Variants in UTP20 observed in about 807,000 individuals in gnomAD.
The protein encoded by UTP20 is small subunit processome component 20 homolog.
UTP20 carries 164 observed loss-of-function variants against 329.5 expected under a neutral mutation model. That is an observed-to-expected ratio of 0.50 (90% CI 0.44 to 0.57). UTP20 has a LOEUF of 0.57. UTP20 is among the 20% of genes least tolerant of loss of function. The probability of loss-of-function intolerance (pLI) is 0.00; values close to 1 mark genes in which losing one functional copy is unlikely to be tolerated. For synonymous variants in UTP20, 1,151 were observed against 1,159.3 expected (o/e 0.99, Z 0.14); for missense variants, 3,055 against 3,284.2 (o/e 0.93, Z 1.71).
chr12:101,312,520 C>T (rs1303730770), intron 21 of UTP20, among the ~76,000 whole-genome samples: 1 of 152,226 alleles, frequency 6.6e-6, no homozygotes, highest in African/African-American at 2.4e-5. Context: ...CGGCTCACTG[C>T]AACCTTCACC....
At chr12:101,282,095 GA>G (rs1871818351) in intron 2 of UTP20, among the ~76,000 whole-genome samples, 1 of 152,156 alleles carries the variant, frequency 6.6e-6, no homozygotes, top group Non-Finnish European at 1.5e-5. Flanking sequence ...ATACCTTGGC[GA>G]TCCAATCTCA....
chr12:101,314,920 C>T (rs1872920829), intron 21 of UTP20, among the ~76,000 whole-genome samples: 1 of 150,424 alleles, frequency 6.6e-6, no homozygotes, highest in African/African-American at 2.4e-5. Context: ...AGTGAAATCC[C>T]GTCTCTACTA....
In UTP20 at chr12:101,386,201, AGGG is replaced by A; in HGVS notation, c.*82_*84del. The A allele has an allele frequency of 8.3e-7, 1 of 1,210,982 alleles. No homozygotes were observed. The highest frequency in any genetic ancestry group is 1.2e-6 in the Non-Finnish European group (1 of 863,166). The allele number at this position is 1,210,982 out of a possible 1,614,324, so 75.0% of individuals were successfully genotyped here. ...GAAATTACAGTAGGTTGTCTGGGGT[AGGG>A]GGGAGGCGTTTTTTTTTTTTTTTGA... is the stretch of plus-strand genomic sequence containing the variant. On this transcript the variant is annotated 3_prime_UTR_variant, in exon 62 of 62. Coordinates refer to ENST00000261637, the MANE Select transcript of UTP20 (RefSeq NM_014503.3).
In UTP20 at chr12:101,308,283, T is replaced by A. The variant is rs761700394; in HGVS notation, c.2094T>A (p.His698Gln). The change falls in exon 18 of 62, where the codon CAT becomes CAA. Residue 698 changes from histidine (H) to glutamine (Q), a missense_variant. By Grantham distance (24) the His-to-Gln change is conservative. Around this residue, in one of 3 missense-constraint regions of UTP20, gnomAD observed 2,445 missense variants for 2,575.5 expected, o/e 0.95. Coordinates refer to ENST00000261637, the MANE Select transcript of UTP20 (RefSeq NM_014503.3). ...TVNDYREKLL[H>Q]LRKLRHDVVQ... ...ATGATTATAGAGAGAAGCTTCTTCA[T>A]TTGAGAAAACTAAGACATGATGTGG... 6.2e-7 allele frequency: 1 copy of A among 1,612,978 alleles called. No homozygotes were observed. Among genetic ancestry groups the A allele is most frequent in the South Asian group, 1.1e-5 (1 of 90,912 alleles).
Position 101,370,426 on chromosome 12 carries a change from T to C in UTP20, c.6556-6T>C. ...TGGCTGTTAACATCACTATTGTAAC[T>C]TGCAGTGTGTGACCATACTTGTCAA... On this transcript the variant is annotated splice_polypyrimidine_tract_variant and splice_region_variant and intron_variant, in intron 49 of 61. Transcript: ENST00000261637. 2 of 1,612,106 alleles carry C rather than the reference T, an allele frequency of 1.2e-6. No individual in the cohort carries two copies. Among genetic ancestry groups the C allele is most frequent in the Non-Finnish European group, 1.7e-6 (2 of 1,179,168 alleles).
chr12:101,384,094 T>C (rs1870749414), intron 60 of UTP20, among the ~76,000 whole-genome samples: 1 of 152,182 alleles, frequency 6.6e-6, no homozygotes, highest in Non-Finnish European at 1.5e-5. Context: ...CTGTATGCTT[T>C]CTGCTGTCCC....
At chr12:101,369,440 A>C (rs977803157) in intron 48 of UTP20, among the ~76,000 whole-genome samples, 8 of 152,042 alleles carry the variant, frequency 5.3e-5, no homozygotes, top group Admixed American at 5.2e-4. Flanking sequence ...ATGTTTAAAC[A>C]AAGATTAAAT....
rs1872316475 is a variant in UTP20, at chr12:101,295,466, T to C, written c.1252-14T>C. 1.3e-6 allele frequency: 2 copies of C among 1,548,198 alleles called. No individual in the cohort carries two copies. Among genetic ancestry groups the C allele is most frequent in the African/African-American group, 2.7e-5 (2 of 72,892 alleles). ...ATCTGTTAATAAGTGTGATTTTTTT[T>C]TTCTTAACTTTAGCTTTTTCTACCA... On this transcript the variant is annotated splice_polypyrimidine_tract_variant and intron_variant, in intron 11 of 61. Transcript: ENST00000261637.
intron 28 of UTP20, 39 bp downstream of exon 28, chr12:101,333,483 C>A: frequency 6.2e-7 from 1 of 1,600,162 alleles, no homozygotes; most frequent in Non-Finnish European, 8.5e-7. Flanking sequence ...GTACGTTCTG[C>A]TTTTTCCTTT....
Position 101,356,952 on chromosome 12 carries a change from T to C in UTP20, c.5561T>C (p.Leu1854Pro). The C allele has an allele frequency of 6.2e-7, 1 of 1,613,294 alleles. No individual in the cohort carries two copies. Among genetic ancestry groups the C allele is most frequent in the Non-Finnish European group, 8.5e-7 (1 of 1,179,868 alleles). ...ATTTTGCTGAAAGTGTGTGCCCTAC[T>C]CAAGAACAGAGCCCAAGAAATCAGA... ...PSILLKVCAL[L>P]KNRAQEIRDI... The change falls in exon 43 of 62, where the codon CTC becomes CCC. Residue 1854 changes from leucine to proline, a missense_variant. Coordinates refer to ENST00000261637, the MANE Select transcript of UTP20 (RefSeq NM_014503.3).
intron 58 of UTP20, among the ~76,000 whole-genome samples, chr12:101,382,267 C>T (rs888601866): frequency 3.2e-4 from 48 of 150,530 alleles, no homozygotes; most frequent in Admixed American, 7.3e-4. Context: ...TAGCTGAGCA[C>T]GGTAGCCTGT....
chr12:101,303,151 A>G (rs985660987), intron 15 of UTP20, among the ~76,000 whole-genome samples: 1 of 152,194 alleles, frequency 6.6e-6, no homozygotes, highest in African/African-American at 2.4e-5. Flanking sequence ...CAAGTGTTTT[A>G]AAGATTTATT....
chr12:101,336,555 T>C (rs975134521), intron 29 of UTP20, among the ~76,000 whole-genome samples: 3 of 152,186 alleles, frequency 2.0e-5, no homozygotes, highest in African/African-American at 7.2e-5. Context: ...GCTGGGACTG[T>C]CCCAGACCCC....
chr12:101,375,066 A>AT, intron 55 of UTP20, 127 bp downstream of exon 55: 4 of 636,804 alleles, frequency 6.3e-6, no homozygotes, highest in Non-Finnish European at 1.0e-5. Flanking sequence ...ATTTATAGCT[A>AT]ATCAATTAAA....
At chr12:101,297,396 G>A (rs887113637) in intron 12 of UTP20, among the ~76,000 whole-genome samples, 1 of 151,846 alleles carries the variant, frequency 6.6e-6, no homozygotes, top group Non-Finnish European at 1.5e-5. Context: ...TTTAATTTTT[G>A]TAGAGACGAG....
chr12:101,325,860 G>C (rs939361678), intron 25 of UTP20, among the ~76,000 whole-genome samples: 3 of 152,126 alleles, frequency 2.0e-5, no homozygotes, highest in Non-Finnish European at 4.4e-5. Flanking sequence ...ACTTTTATCT[G>C]GTACTATGAA....
chr12:101,334,004 T>C (rs925445347), intron 28 of UTP20, among the ~76,000 whole-genome samples: 1 of 152,236 alleles, frequency 6.6e-6, no homozygotes, highest in Non-Finnish European at 1.5e-5. Context: ...GCGTTGCCTC[T>C]GGCTTTGGAC....
In UTP20 at chr12:101,376,761, C is replaced by T. The variant is rs192165939; in HGVS notation, c.7396+1005C>T. Among the ~76,000 whole-genome samples, 181 of 152,194 alleles carry T rather than the reference C, an allele frequency of 1.2e-3. 3 individuals are homozygous for T. The highest frequency in any genetic ancestry group is 9.9e-3 in the Admixed American group (152 of 15,290). On this transcript the variant is annotated intron_variant, in intron 56 of 61. Transcript: ENST00000261637. ...GCCTTCCGGATTCAAGTGATTCTTC[C>T]GCCTCAGCCTCCCAAGTAGCTGGGA...
chr12:101,341,025 G>T (rs1158877327), intron 32 of UTP20, among the ~76,000 whole-genome samples: 1 of 117,138 alleles, frequency 8.5e-6, no homozygotes, highest in Non-Finnish European at 1.6e-5. Flanking sequence ...CTCCAGGCTG[G>T]TGTGCAATGG....
Sources: gnomAD v4.1 joint callset for allele counts (sites outside exome capture counted in the v4.1 genomes callset) on GRCh38, gnomAD v4.1.1 for gene constraint, gnomAD v4.1.1 regional missense constraint, MANE v1.5 for transcripts, NCBI Gene and HGNC (gene_info 2026-07-23, HGNC 2026-07-21) for gene names.